SFSWAP: variants seen among roughly 807,000 people sequenced by gnomAD.
SFSWAP encodes splicing factor, suppressor of white-apricot homolog.
In SFSWAP, 17 loss-of-function variants were observed where a neutral mutation model predicts 100.7. That is an observed-to-expected ratio of 0.17 (90% CI 0.12 to 0.25). SFSWAP has a LOEUF of 0.25. Among genes scored for constraint, SFSWAP ranks in the 10% least tolerant of loss-of-function variants. The pLI is 1.00. For synonymous variants in SFSWAP, 504 were observed against 510.1 expected, an observed-to-expected ratio of 0.99 and a Z score of 0.16; for missense variants, 1,005 against 1,262.6, an observed-to-expected ratio of 0.80 and a Z score of 3.09.
intron 15 of SFSWAP, among the ~76,000 whole-genome samples, chr12:131,790,300 C>T (rs553021582): frequency 3.9e-5 from 6 of 152,286 alleles, no homozygotes; most frequent in East Asian, 3.9e-4. Context: ...TGCATTCTTG[C>T]GTTTGGTACA....
intron 5 of SFSWAP, among the ~76,000 whole-genome samples, chr12:131,726,357 G>A (rs548537054): frequency 6.6e-5 from 10 of 152,248 alleles, no homozygotes; most frequent in South Asian, 4.1e-4. Flanking sequence ...TCGTGGGCAC[G>A]TGCCACCACG....
chr12:131,714,455 G>A lies in SFSWAP; in HGVS notation c.388+215G>A, dbSNP rs772839012. 1.9e-6 allele frequency: 1 copy of A among 516,886 alleles called. No individual in the cohort carries two copies. Among genetic ancestry groups the A allele is most frequent in the East Asian group, 3.1e-5 (1 of 32,252 alleles). The allele number at this position is 516,886 out of a possible 1,614,324, so 32.0% of individuals were successfully genotyped here. A position where few individuals can be genotyped will look rare whatever the true frequency, so the allele number is the denominator to read the frequency against. On this transcript the variant is annotated intron_variant, in intron 2 of 17. Coordinates refer to ENST00000261674, the MANE Select transcript of SFSWAP (RefSeq NM_004592.4). The surrounding 1 kb of genome is among the most constrained non-coding windows in gnomAD (Gnocchi z 6.0). Reference sequence around the variant, plus strand: ...AGAATTTTCCCAGCTTTTGAGGGCAGACTGGGATTTGAAAAAAACAAAAAC... The same window carrying A: ...AGAATTTTCCCAGCTTTTGAGGGCAAACTGGGATTTGAAAAAAACAAAAAC...
intron 7 of SFSWAP, among the ~76,000 whole-genome samples, chr12:131,748,714 G>A (rs1566024901): frequency 6.6e-6 from 1 of 152,226 alleles, no homozygotes; most frequent in Admixed American, 6.5e-5. Flanking sequence ...AGCTCTGCAC[G>A]TTTCAGAGGA....
chr12:131,782,234 G>A (rs924176423), intron 14 of SFSWAP, among the ~76,000 whole-genome samples: 3 of 152,340 alleles, frequency 2.0e-5, no homozygotes, highest in East Asian at 1.9e-4. Context: ...CAGTGAGTGC[G>A]TGTTTTATTT....
chr12:131,735,602 C>G (rs1038388568), intron 7 of SFSWAP, among the ~76,000 whole-genome samples: 3 of 152,232 alleles, frequency 2.0e-5, no homozygotes, highest in African/African-American at 7.2e-5. Context: ...TCTACACATG[C>G]TGTGTGTGGA....
intron 7 of SFSWAP, among the ~76,000 whole-genome samples, chr12:131,731,838 AT>A (rs918886866): frequency 7.8e-5 from 9 of 115,360 alleles, no homozygotes; most frequent in Non-Finnish European, 1.5e-4. Flanking sequence ...CATTTGGTTG[AT>A]TTTTTTTCTC....
intron 3 of SFSWAP, among the ~76,000 whole-genome samples, chr12:131,718,841 G>T (rs968095343): frequency 6.6e-5 from 10 of 152,204 alleles, no homozygotes; most frequent in African/African-American, 2.4e-4. Context: ...TGGTAGAGAT[G>T]TTCACATGGG....
intron 7 of SFSWAP, among the ~76,000 whole-genome samples, chr12:131,746,364 G>A (rs186850583): frequency 5.2e-4 from 79 of 152,340 alleles, no homozygotes; most frequent in African/African-American, 1.8e-3. Context: ...TTTTAAGCAA[G>A]TCTTGACTTT....
At chr12:131,747,007 A>G (rs200611614) in intron 7 of SFSWAP, among the ~76,000 whole-genome samples, 53 of 151,830 alleles carry the variant, frequency 3.5e-4, no homozygotes, top group African/African-American at 6.0e-4. Flanking sequence ...GGGAGGCTGA[A>G]GCAGGAGAAT....
At chr12:131,756,995 G>A (rs1051398294) in intron 11 of SFSWAP, 2 of 193,022 alleles carry the variant, frequency 1.0e-5, no homozygotes, top group East Asian at 2.7e-4. Context: ...TTATTAATTT[G>A]TCAAAGCAGA....
chr12:131,779,290 G>GC (rs1884305314), intron 14 of SFSWAP, among the ~76,000 whole-genome samples: 1 of 61,586 alleles, frequency 1.6e-5, no homozygotes, highest in Non-Finnish European at 3.7e-5. Context: ...GGCGCGGGTG[G>GC]GTGTGTGTGA....
At chr12:131,739,368 G>A (rs958230777) in intron 7 of SFSWAP, among the ~76,000 whole-genome samples, 1 of 151,982 alleles carries the variant, frequency 6.6e-6, no homozygotes, top group African/African-American at 2.4e-5. Flanking sequence ...TCTTAGTTTT[G>A]TAACCATTTA....
At chr12:131,740,580 G>T (rs1287270328) in intron 7 of SFSWAP, among the ~76,000 whole-genome samples, 3 of 152,150 alleles carry the variant, frequency 2.0e-5, no homozygotes, top group African/African-American at 7.2e-5. Flanking sequence ...GAAGGACACA[G>T]TCTCTTGGTT....
At chr12:131,797,500 C>T (rs1327559758) in intron 16 of SFSWAP, 140 bp downstream of exon 16, 3 of 734,236 alleles carry the variant, frequency 4.1e-6, no homozygotes, top group Non-Finnish European at 6.5e-6. Flanking sequence ...AACCGCACCC[C>T]CTCTAGCAAG....
At chr12:131,761,626 T>C (rs1882688842) in intron 11 of SFSWAP, among the ~76,000 whole-genome samples, 1 of 152,206 alleles carries the variant, frequency 6.6e-6, no homozygotes, top group Admixed American at 6.5e-5. Context: ...ACTGGGTTTA[T>C]TCTGAATGCA....
At chr12:131,740,622 G>T (rs889708138) in intron 7 of SFSWAP, among the ~76,000 whole-genome samples, 1 of 152,154 alleles carries the variant, frequency 6.6e-6, no homozygotes, top group African/African-American at 2.4e-5. Context: ...TGTGCTCCCT[G>T]TGTTTCTCTT....
intron 7 of SFSWAP, among the ~76,000 whole-genome samples, chr12:131,739,482 T>G (rs1298993292): frequency 2.0e-5 from 3 of 151,738 alleles, no homozygotes; most frequent in Non-Finnish European, 4.4e-5. Context: ...GAAATATTAT[T>G]TTTATATTAT....
At chr12:131,754,779 G>A (rs771066505) in intron 9 of SFSWAP, among the ~76,000 whole-genome samples, 10 of 151,590 alleles carry the variant, frequency 6.6e-5, no homozygotes, top group South Asian at 4.2e-4. Flanking sequence ...GACTACAGGC[G>A]CGCACCACCA....
intron 7 of SFSWAP, among the ~76,000 whole-genome samples, chr12:131,752,618 C>T (rs1387070805): frequency 6.6e-6 from 1 of 152,216 alleles, no homozygotes; most frequent in African/African-American, 2.4e-5. Context: ...GAGCAGCTGC[C>T]TTACTGAGGG....
Sources: allele counts gnomAD v4.1 joint callset (sites outside exome capture counted in the v4.1 genomes callset), GRCh38; gene constraint gnomAD v4.1.1; non-coding constraint Gnocchi (gnomAD v3.1); transcripts MANE v1.5; gene names NCBI Gene and HGNC (gene_info 2026-07-23, HGNC 2026-07-21).